The following RHOBTB1 variants were observed in gnomAD, a reference collection of about 807,000 sequenced individuals.
RHOBTB1 encodes Rho related BTB domain containing 1, also known as rho-related BTB domain-containing protein 1.
In RHOBTB1, 40 loss-of-function variants were observed where a neutral mutation model predicts 71.6. The observed-to-expected ratio is 0.56, with a 90% confidence interval of 0.43 to 0.73. RHOBTB1 has a LOEUF of 0.73. RHOBTB1 is among the 30% of genes least tolerant of loss of function. RHOBTB1 has a pLI of 0.00. For missense variants in RHOBTB1, 797 were observed against 894.0 expected (o/e 0.89, Z 1.38); for synonymous variants, 319 against 334.9 (o/e 0.95, Z 0.52).
intron 2 of RHOBTB1, among the ~76,000 whole-genome samples, chr10:60,978,783 G>T (rs558412759): frequency 6.6e-6 from 1 of 152,096 alleles, no homozygotes; most frequent in Non-Finnish European, 1.5e-5. Flanking sequence ...TTATTTTGAA[G>T]AACTACTTAT....
At chr10:60,944,594 C>T (rs2085134747), upstream of RHOBTB1, among the ~76,000 whole-genome samples, 1 of 152,174 alleles carries the variant, frequency 6.6e-6, no homozygotes, top group Non-Finnish European at 1.5e-5. Flanking sequence ...CACCCACTCC[C>T]GTGCCTTTGC....
chr10:60,898,089 T>G (rs766875553), intron 4 of RHOBTB1, among the ~76,000 whole-genome samples: 8 of 152,144 alleles, frequency 5.3e-5, no homozygotes, highest in Non-Finnish European at 1.0e-4. Flanking sequence ...CATGGTAGGA[T>G]CCCACCTCTT....
chr10:60,861,958 G>A, the RHOBTB1 span, among the ~76,000 whole-genome samples: 3 of 152,148 alleles, frequency 2.0e-5, no homozygotes, highest in African/African-American at 7.2e-5. Flanking sequence ...TGGCAGGGTT[G>A]CTTAGAATTT....
Position 60,901,216 on chromosome 10 carries a change from GAC to G in RHOBTB1, c.297-8223_297-8222del, listed in dbSNP as rs2082398634. Among the ~76,000 whole-genome samples the G allele has an allele frequency of 8.5e-5, 13 of 152,300 alleles. No individual in the cohort carries two copies. In the South Asian group the frequency reaches 2.5e-3, roughly 29 times the overall value. ...CTGCAATTCAGAACTTCCTCCTTCT[GAC>G]TTATTCTCTCTAGGCTGAGGGCAGA... On this transcript the variant is annotated intron_variant, in intron 4 of 10. Transcript: ENST00000337910.
At chr10:60,945,356 C>A (rs1260635634), upstream of RHOBTB1, among the ~76,000 whole-genome samples, 1 of 152,180 alleles carries the variant, frequency 6.6e-6, no homozygotes, top group African/African-American at 2.4e-5. Context: ...GAAACAATGT[C>A]ATTCTTGGCC....
At chr10:60,873,014 C>T (rs543547295) in intron 9 of RHOBTB1, among the ~76,000 whole-genome samples, 17 of 152,298 alleles carry the variant, frequency 1.1e-4, no homozygotes, top group Admixed American at 5.2e-4. Flanking sequence ...CTTGATGTTT[C>T]TTTGGTCAGG....
intron 2 of RHOBTB1, among the ~76,000 whole-genome samples, chr10:60,959,687 C>T (rs2085714336): frequency 6.6e-6 from 1 of 152,140 alleles, no homozygotes; most frequent in Non-Finnish European, 1.5e-5. Context: ...TGCCACTTTC[C>T]AGTTATGTGT....
chr10:60,886,768 G>T, intron 6 of RHOBTB1, among the ~76,000 whole-genome samples: 1 of 151,750 alleles, frequency 6.6e-6, no homozygotes, highest in Admixed American at 6.6e-5. Context: ...AAACTGCCGG[G>T]TTCCAGCAAT....
At position 60,888,916 on chromosome 10, in the gene RHOBTB1, A is replaced by G. The variant is rs2081758782; in HGVS notation, c.752T>C (p.Met251Thr). 8 of 1,614,182 alleles carry G rather than the reference A, an allele frequency of 5.0e-6. No individual in the cohort carries two copies. In the African/African-American group the frequency reaches 5.3e-5, roughly 11 times the overall value. Reference protein sequence around the residue: ...PVIKIPECPSMGTNEAACLLD... With the variant: ...PVIKIPECPSTGTNEAACLLD... ...TAAACAGGCAGCTTCATTTGTCCCCATGGAAGGACACTCTGGAATTTTGAT... is the reference window on the plus strand; with the variant it reads ...TAAACAGGCAGCTTCATTTGTCCCCGTGGAAGGACACTCTGGAATTTTGAT... Residue 251 changes from methionine (M) to threonine (T), a missense_variant, in exon 6 of 11, where the codon ATG becomes ACG. Met to Thr is a moderately conservative substitution (Grantham distance 81). Coordinates refer to ENST00000337910, the MANE Select transcript of RHOBTB1 (RefSeq NM_014836.5).
the RHOBTB1 span, among the ~76,000 whole-genome samples, chr10:60,862,576 C>CTTTCTTCTTTCT: frequency 9.1e-6 from 1 of 110,346 alleles, no homozygotes; most frequent in Non-Finnish European, 1.9e-5. Flanking sequence ...CTTTCTTTTC[C>CTTTCTTCTTTCT]TTTTTCTTTC....
upstream of RHOBTB1, among the ~76,000 whole-genome samples, chr10:60,947,511 A>G (rs2085277261): frequency 6.6e-6 from 1 of 152,022 alleles, no homozygotes; most frequent in Non-Finnish European, 1.5e-5. Context: ...TCTGTTCTCC[A>G]TCTCTAGAGT....
intron 1 of RHOBTB1, among the ~76,000 whole-genome samples, chr10:60,986,331 T>C (rs1233881240): frequency 6.6e-6 from 1 of 150,810 alleles, no homozygotes; most frequent in Admixed American, 6.6e-5. Flanking sequence ...AAATTATTTA[T>C]TTATGCCATG....
rs1384428493 is a variant in RHOBTB1 at position 60,911,517 on chromosome 10, C to T, written c.26G>A (p.Arg9Lys). Residue 9 changes from arginine to lysine, a missense_variant, in exon 3 of 11, where the codon AGA (arginine) becomes AAA (lysine). Arg to Lys is a conservative substitution (Grantham distance 26, BLOSUM62 2). Transcript: ENST00000337910. Reference protein sequence around the residue: MDADMDYERPNVETIKCVV... With the variant: MDADMDYEKPNVETIKCVV... ...ACATTTGATAGTTTCAACGTTGGGT[C>T]TTTCGTAGTCCATGTCAGCGTCCAT... The T allele has an allele frequency of 6.2e-7, 1 of 1,614,036 alleles. No individual in the cohort carries two copies. The highest frequency in any genetic ancestry group is 8.5e-7 in the Non-Finnish European group (1 of 1,180,036).
chr10:60,941,631 C>T (rs1490603020), intron 2 of RHOBTB1, among the ~76,000 whole-genome samples, 173 bp downstream of exon 2: 1 of 151,978 alleles, frequency 6.6e-6, no homozygotes, highest in Non-Finnish European at 1.5e-5. Flanking sequence ...CCAGAGTAAG[C>T]AATAATTTTA....
chr10:60,980,875 A>G (rs187477821), intron 2 of RHOBTB1, among the ~76,000 whole-genome samples: 33 of 152,300 alleles, frequency 2.2e-4, no homozygotes, highest in African/African-American at 7.9e-4. Flanking sequence ...AGGAATGCCC[A>G]TTCAAAGAGC....
At chr10:60,900,117 A>G (rs2082345706) in intron 4 of RHOBTB1, among the ~76,000 whole-genome samples, 1 of 152,180 alleles carries the variant, frequency 6.6e-6, no homozygotes, top group Admixed American at 6.5e-5. Flanking sequence ...GAAGTCTTTG[A>G]GCAGAACGTA....
At chr10:60,881,726 G>A (rs906325599) in intron 7 of RHOBTB1, among the ~76,000 whole-genome samples, 2 of 152,178 alleles carry the variant, frequency 1.3e-5, no homozygotes, top group Admixed American at 6.5e-5. Context: ...TTTGGCAAGA[G>A]TGTGTTCTAA....
rs180792906 is a variant in RHOBTB1 at position 60,899,461 on chromosome 10, C to T, written c.297-6466G>A. On this transcript the variant is annotated intron_variant, in intron 4 of 10. Coordinates refer to ENST00000337910, the MANE Select transcript of RHOBTB1 (RefSeq NM_014836.5). ...ATAAGAAAACTTCAGTGTCAGCTAC[C>T]GCGCTACATGGGAGGTCTCTGGGAT... is the stretch of plus-strand genomic sequence containing the variant. Among the ~76,000 whole-genome samples the T allele has an allele frequency of 3.9e-4, 59 of 152,250 alleles. 1 individual carries two copies. Among genetic ancestry groups the T allele is most frequent in the East Asian group, 2.1e-3 (11 of 5,182 alleles).
chr10:60,989,363 T>C (rs1292260602), intron 1 of RHOBTB1, among the ~76,000 whole-genome samples: 1 of 152,210 alleles, frequency 6.6e-6, no homozygotes, highest in African/African-American at 2.4e-5. Flanking sequence ...TTTCATTGCA[T>C]AAGTATATTT....
Sources: gnomAD v4.1 joint callset for allele counts (sites outside exome capture counted in the v4.1 genomes callset) on GRCh38, gnomAD v4.1.1 for gene constraint, MANE v1.5 for transcripts, NCBI Gene and HGNC (gene_info 2026-07-23, HGNC 2026-07-21) for gene names.